Variants in TASP1 observed in about 807,000 individuals in gnomAD.
The protein encoded by TASP1 is taspase 1, also known as threonine aspartase 1.
TASP1 carries 16 observed loss-of-function variants against 56.6 expected under a neutral mutation model. That is an observed-to-expected ratio of 0.28 (90% CI 0.19 to 0.43). The LOEUF (loss-of-function observed/expected upper bound fraction) is 0.43. Among genes scored for constraint, TASP1 ranks in the 20% least tolerant of loss-of-function variants. The pLI, the probability that TASP1 is intolerant of heterozygous loss-of-function variation, is 1.00. For synonymous variants in TASP1, 179 were observed against 184.2 expected (o/e 0.97, Z 0.23); for missense variants, 393 against 511.6 (o/e 0.77, Z 2.24).
At chr20:13,626,473 A>C (rs185617924) in intron 2 of TASP1, among the ~76,000 whole-genome samples, 38 of 152,298 alleles carry the variant, frequency 2.5e-4, no homozygotes, top group African/African-American at 8.7e-4. Flanking sequence ...AAAAAAGACA[A>C]AAACAGAAAA....
chr20:13,193,827 G>T, the TASP1 span, among the ~76,000 whole-genome samples: 2 of 152,120 alleles, frequency 1.3e-5, no homozygotes, highest in Admixed American at 6.6e-5. Flanking sequence ...AAGAAAATAG[G>T]AAAGCGGCAT....
At chr20:13,262,367 G>C in the TASP1 span, among the ~76,000 whole-genome samples, 1 of 152,118 alleles carries the variant, frequency 6.6e-6, no homozygotes, top group Non-Finnish European at 1.5e-5. Flanking sequence ...CACACCACAA[G>C]GGCTTTATCA....
intron 11 of TASP1, among the ~76,000 whole-genome samples, chr20:13,452,383 G>A (rs1453682214): frequency 2.0e-5 from 3 of 148,898 alleles, no homozygotes; most frequent in African/African-American, 5.0e-5. Flanking sequence ...TGTACTCAAT[G>A]CTCTCCCAAG....
chr20:13,589,099 G>A (rs915914429), intron 4 of TASP1, among the ~76,000 whole-genome samples: 38 of 143,962 alleles, frequency 2.6e-4, no homozygotes, highest in East Asian at 8.1e-4. Flanking sequence ...GCTCTGTTGC[G>A]CAGGCTGGAG....
intron 4 of TASP1, among the ~76,000 whole-genome samples, chr20:13,612,185 C>T (rs1568649980): frequency 1.3e-5 from 2 of 152,048 alleles, no homozygotes; most frequent in African/African-American, 2.4e-5. Flanking sequence ...TGCAGTCTAC[C>T]AAGTGTCAAC....
chr20:13,549,098 C>T (rs1410708436), intron 8 of TASP1, among the ~76,000 whole-genome samples: 1 of 152,144 alleles, frequency 6.6e-6, no homozygotes, highest in Non-Finnish European at 1.5e-5. Context: ...GACTTAACTG[C>T]TGAGGAAACT....
At chr20:13,462,986 C>T (rs1185320063) in intron 11 of TASP1, among the ~76,000 whole-genome samples, 1 of 152,030 alleles carries the variant, frequency 6.6e-6, no homozygotes, top group Non-Finnish European at 1.5e-5. Flanking sequence ...TATCAAATTC[C>T]CAGTGGCAAT....
chr20:13,508,128 AG>A (rs149833131), intron 10 of TASP1, among the ~76,000 whole-genome samples: 4,859 of 152,256 alleles, frequency 0.032, 251 homozygotes, highest in African/African-American at 0.11. Context: ...GTAAAACTAA[AG>A]GAGTAAAACT....
the TASP1 span, among the ~76,000 whole-genome samples, chr20:13,211,988 C>T: frequency 1.3e-5 from 2 of 152,240 alleles, no homozygotes; most frequent in East Asian, 3.9e-4. Context: ...ACTCTAGTCC[C>T]CCTATGACAC....
chr20:13,317,320 T>G, the TASP1 span, among the ~76,000 whole-genome samples: 1 of 152,008 alleles, frequency 6.6e-6, no homozygotes, highest in African/African-American at 2.4e-5. Flanking sequence ...AATTGAGAGA[T>G]ACTCCATGTT....
At chr20:13,514,512 C>T (rs1304753409) in intron 10 of TASP1, among the ~76,000 whole-genome samples, 1 of 152,116 alleles carries the variant, frequency 6.6e-6, no homozygotes, top group Non-Finnish European at 1.5e-5. Flanking sequence ...CCAATCTGCT[C>T]CCTCCGTTAG....
intron 8 of TASP1, among the ~76,000 whole-genome samples, chr20:13,545,447 G>C (rs559411191): frequency 2.0e-5 from 3 of 152,268 alleles, no homozygotes; most frequent in Admixed American, 2.0e-4. Flanking sequence ...CATTTGGTCA[G>C]AAGTACGATA....
At chr20:13,351,160 A>T in the TASP1 span, among the ~76,000 whole-genome samples, 1 of 152,202 alleles carries the variant, frequency 6.6e-6, no homozygotes, top group Non-Finnish European at 1.5e-5. Context: ...AGAATGGCTT[A>T]AAAAAATTGA....
At chr20:13,173,430 C>T in the TASP1 span, among the ~76,000 whole-genome samples, 1 of 152,174 alleles carries the variant, frequency 6.6e-6, no homozygotes, top group Non-Finnish European at 1.5e-5. Context: ...ATGTCTCATT[C>T]TTATCAAGTA....
At chr20:13,501,983 C>T (rs2043963416) in intron 10 of TASP1, among the ~76,000 whole-genome samples, 1 of 151,664 alleles carries the variant, frequency 6.6e-6, no homozygotes, top group African/African-American at 2.4e-5. Flanking sequence ...TAATAGAAGA[C>T]ATAACAATCT....
intron 10 of TASP1, among the ~76,000 whole-genome samples, chr20:13,524,745 T>C (rs567113504): frequency 6.6e-6 from 1 of 152,306 alleles, no homozygotes; most frequent in Non-Finnish European, 1.5e-5. Context: ...CATCCTCCCA[T>C]GTAATCCTCC....
At chr20:13,231,615 A>G in the TASP1 span, among the ~76,000 whole-genome samples, 1 of 152,230 alleles carries the variant, frequency 6.6e-6, no homozygotes, top group Admixed American at 6.5e-5. Flanking sequence ...AAGTAAAAAC[A>G]GTAGGTTAAC....
At chr20:13,146,427 TA>T in the TASP1 span, among the ~76,000 whole-genome samples, 387 of 152,112 alleles carry the variant, frequency 2.5e-3, no homozygotes, top group Non-Finnish European at 4.4e-3. Flanking sequence ...AACCTAAAAT[TA>T]AAATTAAAAA....
chr20:13,486,579 C>T (rs1199532984), intron 10 of TASP1, among the ~76,000 whole-genome samples: 2 of 152,050 alleles, frequency 1.3e-5, no homozygotes, highest in Non-Finnish European at 2.9e-5. Flanking sequence ...AGTAACCCAA[C>T]AATTTATGAA....
Sources: allele counts gnomAD v4.1 joint callset (sites outside exome capture counted in the v4.1 genomes callset), GRCh38; gene constraint gnomAD v4.1.1; transcripts MANE v1.5; gene names NCBI Gene and HGNC (gene_info 2026-07-23, HGNC 2026-07-21).